CLDN11: variants seen among roughly 807,000 people sequenced by gnomAD.
CLDN11 encodes the protein claudin 11, also known as claudin-11.
A neutral mutation model predicts 18.0 loss-of-function variants in CLDN11; 1 was observed. The ratio of observed to expected loss-of-function variants is 0.06; its 90% CI spans 0.02 to 0.26. The LOEUF is 0.26. Among genes scored for constraint, CLDN11 ranks in the 10% least tolerant of loss-of-function variants. The pLI is 1.00. For missense variants in CLDN11, 172 were observed against 276.6 expected (o/e 0.62, Z 2.68); for synonymous variants, 116 against 121.5 (o/e 0.96, Z 0.30).
In CLDN11 at chr3:170,419,989, T is replaced by C. The variant is rs1182074273; in HGVS notation, c.226+697T>C. ...GGGCTGCGGTGACGCCGGCTCCCGC[T>C]CCGCGCCGCTGGGTTGGATAGGGAC... On this transcript the variant is annotated intron_variant, in intron 1 of 2. Transcript: ENST00000064724. The surrounding 1 kb of genome is among the most constrained non-coding windows in gnomAD (Gnocchi z 8.6). 6.6e-6 allele frequency among the ~76,000 whole-genome samples: 1 copy of C among 152,124 alleles called. No homozygotes were observed. Among genetic ancestry groups the C allele is most frequent in the Non-Finnish European group, 1.5e-5 (1 of 68,008 alleles).
intron 2 of CLDN11, among the ~76,000 whole-genome samples, chr3:170,427,695 G>GCCCAGC (rs1738890667): frequency 6.6e-6 from 1 of 151,820 alleles, no homozygotes; most frequent in Non-Finnish European, 1.5e-5. Flanking sequence ...TGTAATCCCA[G>GCCCAGC]CTACGCAGGA....
Position 170,432,702 on chromosome 3 carries a change from C to A in CLDN11, c.570C>A (p.Phe190Leu). ...CCCAGGCCTTTGGTGAAAACCGTTT[C>A]TACTACACTGCGGGCTCTAGCTCCC... ...GDAQAFGENR[F>L]YYTAGSSSPT... The change falls in exon 3 of 3, where the codon TTC (phenylalanine) becomes TTA (leucine). Residue 190 changes from phenylalanine to leucine, a missense_variant. By Grantham distance (22) the Phe-to-Leu change is conservative. This residue lies in a region of CLDN11 where 161 missense variants were observed against 240.3 expected (regional missense o/e 0.67). Coordinates refer to ENST00000064724, the MANE Select transcript of CLDN11 (RefSeq NM_005602.6). 5.6e-6 allele frequency: 9 copies of A among 1,614,230 alleles called. No individual in the cohort carries two copies. The highest frequency in any genetic ancestry group is 7.6e-6 in the Non-Finnish European group (9 of 1,180,054).
At chr3:170,421,390 G>A (rs1577467716) in intron 1 of CLDN11, 1 of 628,992 alleles carries the variant, frequency 1.6e-6, no homozygotes, top group African/African-American at 2.0e-5. Flanking sequence ...GTCAGGGGAT[G>A]GGCCTCAGAC....
intron 2 of CLDN11, among the ~76,000 whole-genome samples, chr3:170,425,346 A>G (rs1335362079): frequency 6.6e-6 from 1 of 152,216 alleles, no homozygotes; most frequent in Non-Finnish European, 1.5e-5. Flanking sequence ...CTGGCCTTCC[A>G]TATGAATGTC....
At chr3:170,420,315 C>T (rs1175699825) in intron 1 of CLDN11, among the ~76,000 whole-genome samples, 1 of 152,158 alleles carries the variant, frequency 6.6e-6, no homozygotes, top group South Asian at 2.1e-4. Context: ...GGGCTTCTGT[C>T]CCCCAGCCTT....
intron 2 of CLDN11, among the ~76,000 whole-genome samples, chr3:170,427,993 C>A (rs1738901648): frequency 6.6e-6 from 1 of 151,800 alleles, no homozygotes; most frequent in African/African-American, 2.4e-5. Flanking sequence ...CCCATCCCTA[C>A]TAAAAATACA....
intron 1 of CLDN11, chr3:170,421,319 A>G (rs1220449509): frequency 2.0e-6 from 2 of 985,698 alleles, no homozygotes; most frequent in Non-Finnish European, 2.4e-6. Flanking sequence ...CTGCATTGCC[A>G]GTTGACTGCC....
intron 1 of CLDN11, among the ~76,000 whole-genome samples, chr3:170,421,532 T>C (rs976645160): frequency 6.6e-6 from 1 of 152,226 alleles, no homozygotes; most frequent in Non-Finnish European, 1.5e-5. Context: ...AAAACGTTCC[T>C]TGCTAAGAGA....
In CLDN11 at chr3:170,434,270, A is replaced by G. The variant is rs189444465; in HGVS notation, c.*1514A>G. ...ATTTTATTCACGGTATTGCAGTGGTAATTTGTGGTCATGAAAGCATAACCT... is the reference window on the plus strand; with the variant it reads ...ATTTTATTCACGGTATTGCAGTGGTGATTTGTGGTCATGAAAGCATAACCT... On this transcript the variant is annotated 3_prime_UTR_variant, in exon 3 of 3. Coordinates refer to ENST00000064724, the MANE Select transcript of CLDN11 (RefSeq NM_005602.6). 6.6e-6 allele frequency among the ~76,000 whole-genome samples: 1 copy of G among 152,334 alleles called. No individual in the cohort carries two copies. The highest frequency in any genetic ancestry group is 6.5e-5 in the Admixed American group (1 of 15,292).
At chr3:170,430,652 C>T (rs1035583950) in intron 2 of CLDN11, among the ~76,000 whole-genome samples, 1 of 151,248 alleles carries the variant, frequency 6.6e-6, no homozygotes, top group Admixed American at 6.6e-5. Context: ...AAGCAATTCT[C>T]CCTGCCTCAG....
chr3:170,427,974 T>G (rs141932754), intron 2 of CLDN11, among the ~76,000 whole-genome samples: 30 of 151,840 alleles, frequency 2.0e-4, no homozygotes, highest in African/African-American at 7.0e-4. Context: ...CTGGCCAACA[T>G]GGCAAAACCC....
At chr3:170,427,657 C>G (rs184769069) in intron 2 of CLDN11, among the ~76,000 whole-genome samples, 7 of 151,354 alleles carry the variant, frequency 4.6e-5, no homozygotes, top group Non-Finnish European at 7.4e-5. Flanking sequence ...ACCAAAACTA[C>G]AAAAATTAGC....
At chr3:170,426,259 A>G (rs114039520) in intron 2 of CLDN11, among the ~76,000 whole-genome samples, 2,468 of 152,342 alleles carry the variant, frequency 0.016, 44 homozygotes, top group African/African-American at 0.054. Context: ...GCTTAAAAAA[A>G]TTATGTCTGT....
chr3:170,423,316 T>C lies in CLDN11; in HGVS notation c.380T>C (p.Leu127Pro), dbSNP rs772912980. The change falls in exon 2 of 3, where the codon CTC becomes CCC. Residue 127 changes from leucine to proline, a missense_variant. Transcript: ENST00000064724. ...YRRAQLAGVL[L>P]ILLALCALVA... ...CGGGCCCAGCTGGCTGGTGTTTTGC[T>C]CATTCTGCTGGGTAAGACAGCTTTC... 1 of 1,614,088 alleles carries C rather than the reference T, an allele frequency of 6.2e-7. No individual in the cohort carries two copies. The highest frequency in any genetic ancestry group is 8.5e-7 in the Non-Finnish European group (1 of 1,180,010).
chr3:170,419,982 C>T lies in CLDN11; in HGVS notation c.226+690C>T, dbSNP rs1034463371. Among the ~76,000 whole-genome samples, 1 of 152,246 alleles carries T rather than the reference C, an allele frequency of 6.6e-6. No homozygotes were observed. Among genetic ancestry groups the T allele is most frequent in the Non-Finnish European group, 1.5e-5 (1 of 68,042 alleles). On this transcript the variant is annotated intron_variant, in intron 1 of 2. Transcript: ENST00000064724. This position sits in a 1 kb window ranked among gnomAD's most constrained non-coding sequence, Gnocchi z 8.6. ...GACTGCGGGGCTGCGGTGACGCCGG[C>T]TCCCGCTCCGCGCCGCTGGGTTGGA...
chr3:170,432,628 G>C lies in CLDN11; in HGVS notation c.496G>C (p.Val166Leu), dbSNP rs767381312. 3 of 1,614,048 alleles carry C rather than the reference G, an allele frequency of 1.9e-6. No individual in the cohort carries two copies. The highest frequency in any genetic ancestry group is 1.7e-6 in the Non-Finnish European group (2 of 1,180,052). The change falls in exon 3 of 3, where the codon GTG becomes CTG. Residue 166 changes from valine (V) to leucine (L), a missense_variant. Physicochemically the swap from Val to Leu is conservative, Grantham distance 32 (BLOSUM62 1). Around this residue, in one of 3 missense-constraint regions of CLDN11, gnomAD observed 161 missense variants for 240.3 expected, o/e 0.67. Transcript: ENST00000064724. ...YSLYAGWIGA[V>L]LCLVGGCVIL... ...CCTGTATGCAGGCTGGATTGGTGCT[G>C]TGCTGTGCCTCGTGGGTGGCTGTGT...
At chr3:170,422,715 G>T (rs980139112) in intron 1 of CLDN11, among the ~76,000 whole-genome samples, 4 of 152,186 alleles carry the variant, frequency 2.6e-5, no homozygotes, top group African/African-American at 7.2e-5. Flanking sequence ...GAGCCACCAT[G>T]CCTGGCCTGT....
At chr3:170,430,496 A>C (rs1486932019) in intron 2 of CLDN11, among the ~76,000 whole-genome samples, 1 of 152,102 alleles carries the variant, frequency 6.6e-6, no homozygotes. Context: ...CTTTTTAAGA[A>C]AAAGGAAGCA....
intron 1 of CLDN11, 142 bp from the exon 2 acceptor site, chr3:170,423,021 C>T (rs1010098706): frequency 1.6e-5 from 14 of 856,164 alleles, no homozygotes; most frequent in Admixed American, 6.7e-5. Context: ...GCTTAGTGAC[C>T]TTGGACAACA....
Sources: gnomAD v4.1 joint callset for allele counts (sites outside exome capture counted in the v4.1 genomes callset) on GRCh38, gnomAD v4.1.1 for gene constraint, gnomAD v4.1.1 regional missense constraint, Gnocchi (gnomAD v3.1) non-coding constraint, MANE v1.5 for transcripts, NCBI Gene and HGNC (gene_info 2026-07-23, HGNC 2026-07-21) for gene names.